Variants in PHKB observed in about 807,000 individuals in gnomAD.
PHKB encodes phosphorylase b kinase regulatory subunit beta.
PHKB carries 122 observed loss-of-function variants against 152.1 expected under a neutral mutation model. That is an observed-to-expected ratio of 0.80 (90% CI 0.69 to 0.93). PHKB has a LOEUF of 0.93. Among genes scored for constraint, PHKB ranks in the 40% least tolerant of loss-of-function variants. PHKB has a pLI of 0.00. For synonymous variants in PHKB, 436 were observed against 464.9 expected (o/e 0.94, Z 0.80); for missense variants, 1,304 against 1,328.4 (o/e 0.98, Z 0.29).
intron 13 of PHKB, among the ~76,000 whole-genome samples, chr16:47,603,891 T>C (rs750138840): frequency 6.6e-6 from 1 of 152,166 alleles, no homozygotes; most frequent in Non-Finnish European, 1.5e-5. Flanking sequence ...CTCTCTGAGA[T>C]GGGTACTATG....
chr16:47,639,737 A>G (rs758056427), intron 14 of PHKB, among the ~76,000 whole-genome samples: 4 of 152,130 alleles, frequency 2.6e-5, no homozygotes, highest in Non-Finnish European at 5.9e-5. Context: ...TGTATTCTGT[A>G]TGTTTTCATT....
At chr16:47,679,364 A>G (rs1453885487) in intron 26 of PHKB, among the ~76,000 whole-genome samples, 5 of 152,146 alleles carry the variant, frequency 3.3e-5, no homozygotes, top group Non-Finnish European at 1.5e-5. Flanking sequence ...CTTGGGCACT[A>G]TGGCCATTTT....
intron 7 of PHKB, among the ~76,000 whole-genome samples, chr16:47,574,309 A>G (rs906692578): frequency 2.0e-5 from 3 of 152,278 alleles, no homozygotes; most frequent in African/African-American, 4.8e-5. Context: ...CCCAGTGTCA[A>G]TGTGTAATCA....
intron 1 of PHKB, among the ~76,000 whole-genome samples, chr16:47,483,909 G>T (rs998114873): frequency 6.6e-6 from 1 of 152,138 alleles, no homozygotes; most frequent in South Asian, 2.1e-4. Flanking sequence ...TGTTGGCACT[G>T]GGGTTACTTT....
At chr16:47,654,383 T>C (rs1163389112) in intron 20 of PHKB, among the ~76,000 whole-genome samples, 1 of 152,184 alleles carries the variant, frequency 6.6e-6, no homozygotes, top group Non-Finnish European at 1.5e-5. Flanking sequence ...CCATTGTGGA[T>C]GTCGGTGTGG....
rs537397906 is a variant in PHKB, at chr16:47,698,430, A to G, written c.3004-18A>G. The G allele has an allele frequency of 1.9e-5, 31 of 1,599,610 alleles. No homozygotes were observed. In the South Asian group the frequency reaches 3.4e-4, roughly 18 times the overall value. Reference sequence around the variant, plus strand: ...ATTATGGTTCATATAGTTGGCTTTCAATGTCTGTCTCTTCTAGTTACTTAT... The same window carrying G: ...ATTATGGTTCATATAGTTGGCTTTCGATGTCTGTCTCTTCTAGTTACTTAT... On this transcript the variant is annotated intron_variant, in intron 29 of 30. Coordinates refer to ENST00000323584, the MANE Select transcript of PHKB (RefSeq NM_000293.3).
chr16:47,701,143 G>A lies in PHKB; in HGVS notation c.*1777G>A, dbSNP rs935278228. On this transcript the variant is annotated 3_prime_UTR_variant, in exon 31 of 31. Coordinates refer to ENST00000323584, the MANE Select transcript of PHKB (RefSeq NM_000293.3). ...CGTAAGCATGAAGTCCATGGAGAGG[G>A]AATTGAGAGCTGACACTTCATAACT... 6.6e-6 allele frequency: 1 copy of A among 152,092 alleles called. No individual in the cohort carries two copies. The highest frequency in any genetic ancestry group is 6.5e-5 in the Admixed American group (1 of 15,272). The allele number at this position is 152,092 out of a possible 1,614,324, so 9.4% of individuals were successfully genotyped here. A position where few individuals can be genotyped will look rare whatever the true frequency, so the allele number is the denominator to read the frequency against.
chr16:47,663,603 C>A, intron 23 of PHKB, 74 bp from the exon 24 acceptor site: 1 of 1,257,760 alleles, frequency 8.0e-7, no homozygotes, highest in Non-Finnish European at 1.2e-6. Context: ...AAAATGAGTA[C>A]TTTTAAGAGG....
chr16:47,581,839 C>T (rs983822308), intron 8 of PHKB, among the ~76,000 whole-genome samples: 1 of 152,058 alleles, frequency 6.6e-6, no homozygotes, highest in African/African-American at 2.4e-5. Flanking sequence ...GCCACCACGC[C>T]CGGCTAATTT....
At position 47,700,348 on chromosome 16, in the gene PHKB, CAAAAAAAAAAA is replaced by C. The variant is rs11299370; in HGVS notation, c.*990_*1000del. The C allele has an allele frequency of 1.3e-4, 8 of 63,580 alleles. No homozygotes were observed. The Admixed American group carries it at 1.3e-3, about 10-fold the overall frequency. 3.9% of individuals were successfully genotyped at this position (63,580 alleles called of 1,614,324 possible). A position where few individuals can be genotyped will look rare whatever the true frequency, so the allele number is the denominator to read the frequency against. ...TGGGTGACAGAGCGAGACTCCATCT[CAAAAAAAAAAA>C]AAAAAAAGAAAAAGAAAAAAATATG... is the stretch of plus-strand genomic sequence containing the variant. On this transcript the variant is annotated 3_prime_UTR_variant, in exon 31 of 31. Coordinates refer to ENST00000323584, the MANE Select transcript of PHKB (RefSeq NM_000293.3).
chr16:47,610,803 G>A lies in PHKB; in HGVS notation c.1364-23G>A, dbSNP rs1374016056. Reference sequence around the variant, plus strand: ...GTTATGCAAATGCATTTTCGATAATGTCATTCCCCTTCTTTTTTTCAGCTG... The same window carrying A: ...GTTATGCAAATGCATTTTCGATAATATCATTCCCCTTCTTTTTTTCAGCTG... On this transcript the variant is annotated intron_variant, in intron 13 of 30. Coordinates refer to ENST00000323584, the MANE Select transcript of PHKB (RefSeq NM_000293.3). 4 of 1,395,332 alleles carry A rather than the reference G, an allele frequency of 2.9e-6. No homozygotes were observed. The East Asian group carries it at 6.8e-5, about 24-fold the overall frequency. The allele number at this position is 1,395,332 out of a possible 1,614,324, so 86.4% of individuals were successfully genotyped here. A position where few individuals can be genotyped will look rare whatever the true frequency, so the allele number is the denominator to read the frequency against.
At chr16:47,506,805 G>A (rs909225250) in intron 4 of PHKB, among the ~76,000 whole-genome samples, 3 of 152,172 alleles carry the variant, frequency 2.0e-5, no homozygotes, top group African/African-American at 7.2e-5. Context: ...ACCAACCATA[G>A]CTGATGAGCT....
rs1040540570 is a variant in PHKB, at chr16:47,616,156, C to T, written c.1458+5236C>T. Among the ~76,000 whole-genome samples the T allele has an allele frequency of 1.6e-3, 249 of 152,136 alleles. 1 individual carries two copies. The highest frequency in any genetic ancestry group is 5.5e-3 in the African/African-American group (228 of 41,514). On this transcript the variant is annotated intron_variant, in intron 14 of 30. Coordinates refer to ENST00000323584, the MANE Select transcript of PHKB (RefSeq NM_000293.3). ...TTTCTTCTTGGTGTCATTTGAAGCACGGAAGTTTCTAATTTTGAAGAAGCC... is the reference window on the plus strand; with the variant it reads ...TTTCTTCTTGGTGTCATTTGAAGCATGGAAGTTTCTAATTTTGAAGAAGCC...
intron 7 of PHKB, among the ~76,000 whole-genome samples, chr16:47,574,702 C>A (rs147484152): frequency 6.6e-6 from 1 of 152,110 alleles, no homozygotes; most frequent in Non-Finnish European, 1.5e-5. Flanking sequence ...CCAGTTCTCA[C>A]GGGAACTCAG....
At chr16:47,526,589 G>A (rs1028445215) in intron 6 of PHKB, among the ~76,000 whole-genome samples, 3 of 151,692 alleles carry the variant, frequency 2.0e-5, no homozygotes, top group Non-Finnish European at 4.4e-5. Context: ...ACTCTAGCCC[G>A]AGTGACAGAG....
intron 1 of PHKB, among the ~76,000 whole-genome samples, chr16:47,494,668 G>A (rs1381044342): frequency 6.6e-6 from 1 of 152,178 alleles, no homozygotes; most frequent in Non-Finnish European, 1.5e-5. Context: ...TAATGCGAAT[G>A]GGAAAAGCAT....
At chr16:47,487,260 T>G (rs16945382) in intron 1 of PHKB, among the ~76,000 whole-genome samples, 13,755 of 152,226 alleles carry the variant, frequency 0.09, 1,181 homozygotes, top group African/African-American at 0.23. Flanking sequence ...ATGAGGATTT[T>G]TGCAGACATT....
At chr16:47,532,371 G>C (rs1241212156) in intron 6 of PHKB, among the ~76,000 whole-genome samples, 1 of 152,178 alleles carries the variant, frequency 6.6e-6, no homozygotes, top group Non-Finnish European at 1.5e-5. Flanking sequence ...GATCCTTGGG[G>C]TGTTGCTTTT....
intron 1 of PHKB, among the ~76,000 whole-genome samples, chr16:47,466,338 A>G (rs1434215170): frequency 1.3e-5 from 2 of 152,198 alleles, no homozygotes; most frequent in Non-Finnish European, 2.9e-5. Flanking sequence ...AATACCTTAG[A>G]TTGCTTCCGT....
Sources: gnomAD v4.1 joint callset for allele counts (sites outside exome capture counted in the v4.1 genomes callset) on GRCh38, gnomAD v4.1.1 for gene constraint, MANE v1.5 for transcripts, NCBI Gene and HGNC (gene_info 2026-07-23, HGNC 2026-07-21) for gene names.